Variants in STK17B observed in about 807,000 individuals in gnomAD.
STK17B encodes the protein serine/threonine kinase 17b.
STK17B carries 21 observed loss-of-function variants against 42.0 expected under a neutral mutation model. The observed-to-expected ratio is 0.50, with a 90% CI of 0.35 to 0.72. The LOEUF (loss-of-function observed/expected upper bound fraction) is 0.72, where lower values mean the gene tolerates loss of function less well. STK17B is among the 30% of genes least tolerant of loss of function. The pLI is 0.00. For missense variants in STK17B, 349 were observed against 446.0 expected (o/e 0.78, Z 1.96); for synonymous variants, 143 against 148.4 (o/e 0.96, Z 0.26).
Position 196,134,459 on chromosome 2 carries a change from ATAAATGTAATGTAC to A in STK17B, c.*2974_*2987del, listed in dbSNP as rs1262765633. On this transcript the variant is annotated 3_prime_UTR_variant, in exon 8 of 8. Transcript: ENST00000263955. Reference sequence around the variant, plus strand: ...GCATGCTCCTTATGAGAATCTAATGATAAATGTAATGTACTTGAATCATCCTGAAACCATCCCCC... The same window carrying A: ...GCATGCTCCTTATGAGAATCTAATGATTGAATCATCCTGAAACCATCCCCC... The A allele has an allele frequency of 1.4e-4, 21 of 152,216 alleles. No homozygotes were observed. The highest frequency in any genetic ancestry group is 5.1e-4 in the African/African-American group (21 of 41,442). 9.4% of individuals were successfully genotyped at this position (152,216 alleles called of 1,614,324 possible). A position where few individuals can be genotyped will look rare whatever the true frequency, so the allele number is the denominator to read the frequency against.
chr2:196,175,491 T>A (rs1373771460), upstream of STK17B, among the ~76,000 whole-genome samples: 2 of 152,090 alleles, frequency 1.3e-5, no homozygotes, highest in African/African-American at 4.8e-5. Context: ...CCAGGCATGG[T>A]GGCAGGTTCC....
chr2:196,165,272 G>A lies in STK17B; in HGVS notation c.-44-1845C>T, dbSNP rs1914964. 6.6e-5 allele frequency among the ~76,000 whole-genome samples: 10 copies of A among 152,300 alleles called. No individual in the cohort carries two copies. In the East Asian group the frequency reaches 1.9e-3, roughly 29 times the overall value. On this transcript the variant is annotated intron_variant, in intron 1 of 7. Coordinates refer to ENST00000263955, the MANE Select transcript of STK17B (RefSeq NM_004226.4). Reference sequence around the variant, plus strand: ...CTACAAGCCAAGAGGGCAGGCCTCAGAAGAAACCAACCCCGCAGACACCCT... The same window carrying A: ...CTACAAGCCAAGAGGGCAGGCCTCAAAAGAAACCAACCCCGCAGACACCCT...
At chr2:196,147,142 A>G (rs114355807) in intron 3 of STK17B, among the ~76,000 whole-genome samples, 2,719 of 152,340 alleles carry the variant, frequency 0.018, 70 homozygotes, top group African/African-American at 0.061. Context: ...TAAAATTAGA[A>G]CATCATGCAA....
chr2:196,170,012 G>C (rs1292753325), intron 1 of STK17B, among the ~76,000 whole-genome samples: 2 of 152,184 alleles, frequency 1.3e-5, no homozygotes, highest in Non-Finnish European at 2.9e-5. Flanking sequence ...AGGAGGATCC[G>C]AGGCAGATGA....
intron 1 of STK17B, chr2:196,171,013 G>C (rs926268989): frequency 1.3e-5 from 2 of 152,738 alleles, no homozygotes; most frequent in African/African-American, 4.8e-5. Context: ...GGAGAGCCGG[G>C]GCCGGCCGGG....
chr2:196,153,707 A>C (rs1341538835), intron 3 of STK17B: 1 of 152,186 alleles, frequency 6.6e-6, no homozygotes, highest in Non-Finnish European at 1.5e-5. Flanking sequence ...GGGAGTCTTC[A>C]AACACCAATG....
At chr2:196,166,679 A>T (rs1699877649) in intron 1 of STK17B, among the ~76,000 whole-genome samples, 1 of 152,204 alleles carries the variant, frequency 6.6e-6, no homozygotes, top group African/African-American at 2.4e-5. Flanking sequence ...TACCAAAAGA[A>T]TTTGGAAGTA....
intron 3 of STK17B, among the ~76,000 whole-genome samples, chr2:196,147,112 G>A (rs1349161141): frequency 1.3e-5 from 2 of 151,850 alleles, no homozygotes; most frequent in African/African-American, 2.4e-5. Context: ...TTTTTTAGGA[G>A]GGATTAAATC....
At chr2:196,143,740 T>C in intron 4 of STK17B, 54 bp from the exon 5 acceptor site, 1 of 1,377,158 alleles carries the variant, frequency 7.3e-7, no homozygotes, top group Non-Finnish European at 9.6e-7. Flanking sequence ...AGCATACTAG[T>C]CTCAGATGGA....
intron 3 of STK17B, among the ~76,000 whole-genome samples, chr2:196,152,158 G>A (rs980591771): frequency 4.0e-5 from 6 of 150,038 alleles, no homozygotes; most frequent in East Asian, 3.9e-4. Context: ...CCAGCCTGGC[G>A]CGTAGTGGTG....
At chr2:196,170,547 A>C (rs1248350203) in intron 1 of STK17B, among the ~76,000 whole-genome samples, 1 of 152,196 alleles carries the variant, frequency 6.6e-6, no homozygotes, top group Non-Finnish European at 1.5e-5. Flanking sequence ...AGCTGCTATA[A>C]AGCCTCTTTC....
intron 3 of STK17B, among the ~76,000 whole-genome samples, chr2:196,150,179 T>TAAAAAAAAAAAAAA (rs143244008): frequency 4.7e-4 from 53 of 113,456 alleles, no homozygotes; most frequent in African/African-American, 7.2e-4. Context: ...GAGCAGTGAC[T>TAAAAAAAAAAAAAA]AAAAAAAAAA....
intron 2 of STK17B, among the ~76,000 whole-genome samples, chr2:196,160,435 C>T (rs1699795722): frequency 6.6e-6 from 1 of 152,130 alleles, no homozygotes; most frequent in Admixed American, 6.5e-5. Context: ...GAACTGTTAA[C>T]TTTTACATAA....
chr2:196,148,060 T>C (rs142372560), intron 3 of STK17B, among the ~76,000 whole-genome samples: 2 of 152,158 alleles, frequency 1.3e-5, no homozygotes, highest in Non-Finnish European at 2.9e-5. Context: ...CCTCAACATA[T>C]CATGATAAAG....
intron 1 of STK17B, 92 bp from the exon 2 acceptor site, chr2:196,163,519 A>C: frequency 9.9e-7 from 1 of 1,008,792 alleles, no homozygotes; most frequent in Non-Finnish European, 1.3e-6. Context: ...ATAAAATACA[A>C]CTAAAAAAAA....
At chr2:196,141,475 A>G (rs1204434890) in intron 5 of STK17B, among the ~76,000 whole-genome samples, 178 bp from the exon 6 acceptor site, 1 of 152,204 alleles carries the variant, frequency 6.6e-6, no homozygotes. Context: ...CCTGGCTAAC[A>G]TGGTGAAACG....
In STK17B at chr2:196,147,641, T is replaced by C. The variant is rs568341561; in HGVS notation, c.336-1586A>G. ...CAGAAAAAAACTCTGTAGGACAGCT[T>C]ATAAGGAATACACGTGAAAGCTCCA... is the stretch of plus-strand genomic sequence containing the variant. On this transcript the variant is annotated intron_variant, in intron 3 of 7. Coordinates refer to ENST00000263955, the MANE Select transcript of STK17B (RefSeq NM_004226.4). Among the ~76,000 whole-genome samples the C allele has an allele frequency of 4.6e-5, 7 of 152,288 alleles. No individual in the cohort carries two copies. In the South Asian group the frequency reaches 1.2e-3, roughly 27 times the overall value.
chr2:196,168,292 C>T (rs1171939898), intron 1 of STK17B, among the ~76,000 whole-genome samples: 2 of 152,136 alleles, frequency 1.3e-5, no homozygotes, highest in Admixed American at 6.5e-5. Context: ...GCTGTGTCTT[C>T]CCACCTCCAG....
At chr2:196,156,277 C>T (rs763838266) in intron 3 of STK17B, 162 bp downstream of exon 3, 16 of 623,040 alleles carry the variant, frequency 2.6e-5, no homozygotes, top group Admixed American at 3.5e-5. Context: ...CGAGGCTATA[C>T]ATTTAGTCTT....
Sources: gnomAD v4.1 joint callset for allele counts (sites outside exome capture counted in the v4.1 genomes callset) on GRCh38, gnomAD v4.1.1 for gene constraint, MANE v1.5 for transcripts, NCBI Gene and HGNC (gene_info 2026-07-23, HGNC 2026-07-21) for gene names.